GABRA4: variants seen among roughly 807,000 people sequenced by gnomAD.
GABRA4 encodes the protein gamma-aminobutyric acid receptor subunit alpha-4.
A neutral mutation model predicts 49.7 loss-of-function variants in GABRA4; 12 were observed. The ratio of observed to expected loss-of-function variants is 0.24; its 90% CI spans 0.15 to 0.39. GABRA4 has a LOEUF of 0.39. GABRA4 is among the 10% of genes least tolerant of loss of function. GABRA4 has a pLI of 1.00. For synonymous variants in GABRA4, 288 were observed against 240.2 expected (o/e 1.20, Z -1.84); for missense variants, 506 against 686.0 (o/e 0.74, Z 2.93).
rs547531273 is a variant in GABRA4, at chr4:46,922,033, T to G, written c.*6192A>C. 1 of 152,142 alleles carries G rather than the reference T, an allele frequency of 6.6e-6. No individual in the cohort carries two copies. 9.4% of individuals were successfully genotyped at this position (152,142 alleles called of 1,614,324 possible). A position where few individuals can be genotyped will look rare whatever the true frequency, so the allele number is the denominator to read the frequency against. On this transcript the variant is annotated 3_prime_UTR_variant, in exon 9 of 9. Transcript: ENST00000264318. ...AGGCAAGAAAAAGACAAAATCTGTC[T>G]TCATACGATTTTACTATATACTTCC...
chr4:46,984,813 T>G (rs1723478034), intron 2 of GABRA4, among the ~76,000 whole-genome samples: 1 of 152,032 alleles, frequency 6.6e-6, no homozygotes, highest in Non-Finnish European at 1.5e-5. Context: ...GGATCCTGAA[T>G]GTCATGTTCA....
chr4:46,974,752 C>T (rs1487133855), intron 5 of GABRA4, among the ~76,000 whole-genome samples: 3 of 151,936 alleles, frequency 2.0e-5, no homozygotes, highest in East Asian at 1.9e-4. Flanking sequence ...TTCTAACTCA[C>T]TTCCAATGCT....
chr4:46,981,562 G>A (rs540800371), intron 2 of GABRA4, among the ~76,000 whole-genome samples: 5 of 152,180 alleles, frequency 3.3e-5, no homozygotes, highest in Non-Finnish European at 7.4e-5. Flanking sequence ...CATTCAATTA[G>A]TGTTTACTGA....
intron 8 of GABRA4, among the ~76,000 whole-genome samples, chr4:46,962,620 A>G (rs1722617317): frequency 6.6e-6 from 1 of 152,048 alleles, no homozygotes; most frequent in African/African-American, 2.4e-5. Flanking sequence ...TAAAATGTAT[A>G]TGGAACCACA....
In GABRA4 at chr4:46,925,260, C is replaced by T. The variant is rs936516474; in HGVS notation, c.*2965G>A. The T allele has an allele frequency of 2.0e-5, 3 of 151,884 alleles. No individual in the cohort carries two copies. Among genetic ancestry groups the T allele is most frequent in the Non-Finnish European group, 4.4e-5 (3 of 67,850 alleles). The allele number at this position is 151,884 out of a possible 1,614,324, so 9.4% of individuals were successfully genotyped here. A position where few individuals can be genotyped will look rare whatever the true frequency, so the allele number is the denominator to read the frequency against. On this transcript the variant is annotated 3_prime_UTR_variant, in exon 9 of 9. Coordinates refer to ENST00000264318, the MANE Select transcript of GABRA4 (RefSeq NM_000809.4). ...ACTCTACTCTCTACCTACTTTAATA[C>T]AAGATTTGTGAGGTCCAATTTAAAA...
intron 8 of GABRA4, among the ~76,000 whole-genome samples, chr4:46,954,754 A>G (rs1460119453): frequency 2.0e-5 from 3 of 152,140 alleles, no homozygotes. Flanking sequence ...GAGAACTGAG[A>G]GAGACAAAAT....
intron 8 of GABRA4, among the ~76,000 whole-genome samples, chr4:46,943,262 T>C (rs1322839072): frequency 6.6e-6 from 1 of 152,148 alleles, no homozygotes; most frequent in Non-Finnish European, 1.5e-5. Flanking sequence ...TCCACCTAGC[T>C]TTCAAGCCAC....
intron 8 of GABRA4, among the ~76,000 whole-genome samples, 181 bp from the exon 9 acceptor site, chr4:46,928,936 AT>A (rs762502063): frequency 1.3e-3 from 204 of 152,208 alleles, no homozygotes; most frequent in Non-Finnish European, 2.5e-3. Flanking sequence ...ATGTGCATAC[AT>A]TTGAAACTTT....
At chr4:46,980,417 T>G (rs10517172) in intron 2 of GABRA4, among the ~76,000 whole-genome samples, 16,628 of 149,862 alleles carry the variant, frequency 0.11, 1,034 homozygotes, top group South Asian at 0.19. Flanking sequence ...ATCACTTAAT[T>G]CCTTAGCTCC....
At chr4:46,930,217 A>G (rs951295529) in intron 8 of GABRA4, among the ~76,000 whole-genome samples, 8 of 152,078 alleles carry the variant, frequency 5.3e-5, no homozygotes, top group African/African-American at 1.7e-4. Flanking sequence ...GTAGCCTAAC[A>G]TATGGCACTG....
intron 8 of GABRA4, among the ~76,000 whole-genome samples, chr4:46,961,589 G>T (rs939785768): frequency 6.6e-6 from 1 of 151,884 alleles, no homozygotes; most frequent in Non-Finnish European, 1.5e-5. Flanking sequence ...TTTGTTGAAT[G>T]AGTGAATAAA....
chr4:46,956,321 A>T lies in GABRA4; in HGVS notation c.1134+8649T>A, dbSNP rs544759331. 3.3e-5 allele frequency among the ~76,000 whole-genome samples: 5 copies of T among 152,226 alleles called. No individual in the cohort carries two copies. In the South Asian group the frequency reaches 1.0e-3, roughly 32 times the overall value. On this transcript the variant is annotated intron_variant, in intron 8 of 8. Transcript: ENST00000264318. ...AAACTGCCCAAAACCAAGTTTAAAAATGAAAGAAATAAGGACAAATGAATA... is the reference window on the plus strand; with the variant it reads ...AAACTGCCCAAAACCAAGTTTAAAATTGAAAGAAATAAGGACAAATGAATA...
intron 4 of GABRA4, 96 bp from the exon 5 acceptor site, chr4:46,977,239 GGAA>G: frequency 1.5e-6 from 1 of 661,842 alleles, no homozygotes; most frequent in South Asian, 1.9e-5. Flanking sequence ...GAAGGAGGAA[GGAA>G]GAAGGGAGGG....
intron 8 of GABRA4, among the ~76,000 whole-genome samples, chr4:46,933,112 A>G (rs1448495761): frequency 6.6e-6 from 1 of 151,968 alleles, no homozygotes; most frequent in Non-Finnish European, 1.5e-5. Flanking sequence ...CATGAACAGT[A>G]CCAAAAAGAT....
rs370854380 is a variant in GABRA4, at chr4:46,941,914, TC to T, written c.1135-13160del. ...TTCAAGAGAGGCATCAAATCAAGAATCCTGTGGATATTATTCTACTTAATAT... is the reference window on the plus strand; with the variant it reads ...TTCAAGAGAGGCATCAAATCAAGAATCTGTGGATATTATTCTACTTAATAT... On this transcript the variant is annotated intron_variant, in intron 8 of 8. Coordinates refer to ENST00000264318, the MANE Select transcript of GABRA4 (RefSeq NM_000809.4). Among the ~76,000 whole-genome samples the T allele has an allele frequency of 3.3e-4, 50 of 152,264 alleles. No individual in the cohort carries two copies. The East Asian group carries it at 9.1e-3, about 28-fold the overall frequency.
At chr4:46,981,960 G>T (rs1444523280) in intron 2 of GABRA4, among the ~76,000 whole-genome samples, 1 of 152,040 alleles carries the variant, frequency 6.6e-6, no homozygotes, top group Admixed American at 6.6e-5. Context: ...TAGAAAGGAG[G>T]CCAGTGGGGC....
intron 5 of GABRA4, among the ~76,000 whole-genome samples, chr4:46,976,523 G>A (rs1723146005): frequency 1.3e-5 from 2 of 151,466 alleles, no homozygotes; most frequent in Admixed American, 6.6e-5. Context: ...CCCCTACCAT[G>A]CTTTTGCCAT....
intron 7 of GABRA4, among the ~76,000 whole-genome samples, chr4:46,967,937 A>C (rs1261478965): frequency 1.3e-5 from 2 of 151,646 alleles, no homozygotes; most frequent in Non-Finnish European, 3.0e-5. Context: ...ATGTTTTACT[A>C]TACTGGAATA....
intron 7 of GABRA4, among the ~76,000 whole-genome samples, chr4:46,966,705 A>G (rs952764658): frequency 5.3e-5 from 8 of 151,706 alleles, no homozygotes; most frequent in Non-Finnish European, 5.9e-5. Context: ...TAAATCTTCA[A>G]TGCTTAGAAC....
Sources: allele counts gnomAD v4.1 joint callset (sites outside exome capture counted in the v4.1 genomes callset), GRCh38; gene constraint gnomAD v4.1.1; transcripts MANE v1.5; gene names NCBI Gene and HGNC (gene_info 2026-07-23, HGNC 2026-07-21).